IL1R1: variants seen among roughly 807,000 people sequenced by gnomAD.
The protein encoded by IL1R1 is interleukin-1 receptor type 1.
IL1R1 carries 22 observed loss-of-function variants against 50.2 expected under a neutral mutation model. The ratio of observed to expected loss-of-function variants is 0.44; its 90% CI spans 0.31 to 0.63. The LOEUF (loss-of-function observed/expected upper bound fraction) is 0.63, where lower values mean the gene tolerates loss of function less well. Ranked by LOEUF, IL1R1 falls within the 20% of genes least tolerant of loss-of-function variation. IL1R1 has a pLI of 0.07. For synonymous variants in IL1R1, 251 were observed against 236.7 expected (o/e 1.06, Z -0.55); for missense variants, 509 against 676.2 (o/e 0.75, Z 2.74).
At chr2:102,079,091 G>A (rs1265663977) in intron 1 of IL1R1, among the ~76,000 whole-genome samples, 1 of 152,018 alleles carries the variant, frequency 6.6e-6, no homozygotes, top group African/African-American at 2.4e-5. Flanking sequence ...ACAAAAATCA[G>A]CAGAGTAGTA....
chr2:102,175,967 C>G, intron 11 of IL1R1: 1 of 482,128 alleles, frequency 2.1e-6, no homozygotes, highest in East Asian at 3.4e-5. Context: ...AAAATTCCAA[C>G]AAAGTTTTCT....
chr2:102,074,555 C>G (rs546223172), intron 1 of IL1R1, among the ~76,000 whole-genome samples: 1 of 152,226 alleles, frequency 6.6e-6, no homozygotes, highest in African/African-American at 2.4e-5. Flanking sequence ...GCTAGCCTAA[C>G]ATCCCTTCCT....
chr2:102,094,525 C>T (rs904894599), intron 1 of IL1R1, among the ~76,000 whole-genome samples: 1 of 152,174 alleles, frequency 6.6e-6, no homozygotes, highest in Admixed American at 6.5e-5. Flanking sequence ...TTAGTATTTT[C>T]AGGTTTTTTC....
chr2:102,095,280 G>A (rs1452069626), intron 1 of IL1R1, among the ~76,000 whole-genome samples: 1 of 152,208 alleles, frequency 6.6e-6, no homozygotes, highest in Admixed American at 6.5e-5. Flanking sequence ...GGCAAAAAGA[G>A]ATTGCAGTGA....
At chr2:102,121,922 T>G (rs1013072705) in intron 1 of IL1R1, among the ~76,000 whole-genome samples, 2 of 152,196 alleles carry the variant, frequency 1.3e-5, no homozygotes, top group African/African-American at 4.8e-5. Flanking sequence ...AGCCTTCATC[T>G]TCCTCACCTC....
intron 1 of IL1R1, among the ~76,000 whole-genome samples, chr2:102,117,941 TA>T (rs1468237399): frequency 6.6e-6 from 1 of 150,530 alleles, no homozygotes; most frequent in Admixed American, 6.6e-5. Context: ...ATAATTTTTC[TA>T]AATATATATA....
intron 1 of IL1R1, among the ~76,000 whole-genome samples, chr2:102,083,600 A>G (rs889255563): frequency 1.3e-5 from 2 of 152,136 alleles, no homozygotes; most frequent in African/African-American, 4.8e-5. Context: ...ACCTAAAACT[A>G]TAGTTAGTAG....
intron 1 of IL1R1, among the ~76,000 whole-genome samples, chr2:102,113,869 A>C (rs1680916690): frequency 6.6e-6 from 1 of 152,218 alleles, no homozygotes; most frequent in Non-Finnish European, 1.5e-5. Context: ...AAGGAAACTG[A>C]GGCTTAAAAA....
intron 1 of IL1R1, among the ~76,000 whole-genome samples, chr2:102,125,040 T>C (rs1225649595): frequency 6.6e-6 from 1 of 152,182 alleles, no homozygotes; most frequent in Non-Finnish European, 1.5e-5. Context: ...GAGATTACAA[T>C]CCAAGATGAG....
intron 11 of IL1R1, 134 bp from the exon 12 acceptor site, chr2:102,176,219 C>T: frequency 1.5e-6 from 1 of 684,224 alleles, no homozygotes; most frequent in South Asian, 2.0e-5. Context: ...ATGGGAAACT[C>T]CTTTAATTTT....
At chr2:102,104,683 G>A (rs1680304234) in exon 1 of IL1R1, 1 of 152,256 alleles carries the variant, frequency 6.6e-6, no homozygotes, top group South Asian at 2.1e-4. Flanking sequence ...TTGTCACTCT[G>A]CTGCGGCACA....
intron 1 of IL1R1, among the ~76,000 whole-genome samples, chr2:102,098,842 T>C (rs887311158): frequency 6.6e-6 from 1 of 152,230 alleles, no homozygotes; most frequent in Admixed American, 6.5e-5. Flanking sequence ...AAATTTGTAC[T>C]AATGAGAACC....
rs760544462 is a variant in IL1R1, at chr2:102,176,696, C to T, written c.1647C>T (p.His549=). ...PVQRRSPSSK[H]QLLSPATKEK... is the part of the protein sequence containing the mutation. ...AGCGACGGTCACCTTCATCTAAACA[C>T]CAGTTACTGTCACCAGCCACTAAGG... The change falls in exon 12 of 12, where the codon CAC becomes CAT. Residue 549 remains histidine (H), a synonymous_variant. Coordinates refer to ENST00000410023, the MANE Select transcript of IL1R1 (RefSeq NM_000877.4). 6.2e-7 allele frequency: 1 copy of T among 1,614,208 alleles called. No homozygotes were observed. The highest frequency in any genetic ancestry group is 8.5e-7 in the Non-Finnish European group (1 of 1,180,030).
chr2:102,172,004 G>C, intron 8 of IL1R1, 86 bp downstream of exon 8: 2 of 421,522 alleles, frequency 4.7e-6, no homozygotes, highest in South Asian at 5.4e-5. Flanking sequence ...TTAAAAGCAA[G>C]TGTTAGTTGC....
At chr2:102,151,806 T>C (rs1683682244) in intron 1 of IL1R1, among the ~76,000 whole-genome samples, 1 of 152,164 alleles carries the variant, frequency 6.6e-6, no homozygotes, top group Non-Finnish European at 1.5e-5. Flanking sequence ...CAGGCTAGGA[T>C]TGGAAGAATT....
At chr2:102,104,642 G>C (rs780386868) in exon 1 of IL1R1, 1 of 152,244 alleles carries the variant, frequency 6.6e-6, no homozygotes, top group Admixed American at 6.5e-5. Context: ...TTGAGCCTCC[G>C]TACCAGCTGG....
chr2:102,164,751 T>C, intron 3 of IL1R1, 23 bp from the exon 4 acceptor site: 1 of 1,545,654 alleles, frequency 6.5e-7, no homozygotes, highest in Non-Finnish European at 8.9e-7. Flanking sequence ...TGTAAATTGC[T>C]TCCACCCTTC....
chr2:102,080,754 C>T (rs922886731), intron 1 of IL1R1, among the ~76,000 whole-genome samples: 1 of 152,106 alleles, frequency 6.6e-6, no homozygotes, highest in Non-Finnish European at 1.5e-5. Context: ...ATCTGTACAC[C>T]AATTTTCATA....
At chr2:102,079,090 A>G (rs1469757738) in intron 1 of IL1R1, among the ~76,000 whole-genome samples, 2 of 152,154 alleles carry the variant, frequency 1.3e-5, no homozygotes, top group African/African-American at 2.4e-5. Flanking sequence ...AACAAAAATC[A>G]GCAGAGTAGT....
Sources: gnomAD v4.1 joint callset for allele counts (sites outside exome capture counted in the v4.1 genomes callset) on GRCh38, gnomAD v4.1.1 for gene constraint, MANE v1.5 for transcripts, NCBI Gene and HGNC (gene_info 2026-07-23, HGNC 2026-07-21) for gene names.